Variants in PRDM5 observed in about 807,000 individuals in gnomAD.
PRDM5 encodes PR/SET domain 5, also known as PR domain zinc finger protein 5.
In PRDM5, 56 loss-of-function variants were observed where a neutral mutation model predicts 81.2. That is an observed-to-expected ratio of 0.69 (90% CI 0.56 to 0.86). The LOEUF is 0.86. Among genes scored for constraint, PRDM5 ranks in the 40% least tolerant of loss-of-function variants. The probability of loss-of-function intolerance (pLI) is 0.00; values close to 1 mark genes in which losing one functional copy is unlikely to be tolerated. For missense variants in PRDM5, 697 were observed against 770.1 expected (o/e 0.91, Z 1.12); for synonymous variants, 267 against 256.4 (o/e 1.04, Z -0.39).
chr4:120,747,038 T>C lies in PRDM5; in HGVS notation c.1623+7515A>G, dbSNP rs1430048539. Reference sequence around the variant, plus strand: ...AGCAAAGACTTGGAACCAACCCAAATGTCCAACAATGATAGATTGGATTAA... The same window carrying C: ...AGCAAAGACTTGGAACCAACCCAAACGTCCAACAATGATAGATTGGATTAA... On this transcript the variant is annotated intron_variant, in intron 14 of 15. Transcript: ENST00000264808. 2.1e-5 allele frequency among the ~76,000 whole-genome samples: 3 copies of C among 145,764 alleles called. No homozygotes were observed. The East Asian group carries it at 6.1e-4, about 30-fold the overall frequency.
In PRDM5 at chr4:120,818,196, C is replaced by T. The variant is rs979371026; in HGVS notation, c.650+157G>A. 25 of 698,362 alleles carry T rather than the reference C, an allele frequency of 3.6e-5. No individual in the cohort carries two copies. In the Admixed American group the frequency reaches 5.9e-4, roughly 17 times the overall value. The allele number at this position is 698,362 out of a possible 1,614,324, so 43.3% of individuals were successfully genotyped here. ...ATACTAAGAAAAGATGAGTTAATGA[C>T]AATACCAATGTAAAATGCTTAATCT... On this transcript the variant is annotated intron_variant, in intron 5 of 15. Transcript: ENST00000264808.
At chr4:120,891,579 G>A (rs1357843601) in intron 2 of PRDM5, among the ~76,000 whole-genome samples, 1 of 151,962 alleles carries the variant, frequency 6.6e-6, no homozygotes, top group East Asian at 1.9e-4. Context: ...TAGCTTTGGG[G>A]TTGGTTTGCT....
At chr4:120,690,701 T>C (rs1271271977), downstream of PRDM5, among the ~76,000 whole-genome samples, 1 of 152,110 alleles carries the variant, frequency 6.6e-6, no homozygotes, top group Non-Finnish European at 1.5e-5. Context: ...ACTCTCTTCA[T>C]TTTTATACTA....
chr4:120,754,731 C>T, intron 13 of PRDM5, 93 bp from the exon 14 acceptor site: 6 of 860,674 alleles, frequency 7.0e-6, no homozygotes, highest in East Asian at 2.5e-5. Flanking sequence ...TCCTGGCCAC[C>T]GCATATGCCC....
At chr4:120,827,689 A>G (rs1408600561) in intron 3 of PRDM5, among the ~76,000 whole-genome samples, 1 of 152,050 alleles carries the variant, frequency 6.6e-6, no homozygotes, top group African/African-American at 2.4e-5. Context: ...CTGGGTGGGA[A>G]GTTCCATCAC....
At chr4:120,822,280 T>A (rs1313531132) in intron 3 of PRDM5, among the ~76,000 whole-genome samples, 1 of 152,146 alleles carries the variant, frequency 6.6e-6, no homozygotes, top group African/African-American at 2.4e-5. Flanking sequence ...TCTGGGAGGG[T>A]TCCTAGTGAG....
At chr4:120,856,021 T>C (rs1561504045) in intron 2 of PRDM5, among the ~76,000 whole-genome samples, 2 of 152,246 alleles carry the variant, frequency 1.3e-5, no homozygotes, top group Non-Finnish European at 2.9e-5. Flanking sequence ...TGACTTATTA[T>C]AGTAAGAATA....
chr4:120,736,431 T>G (rs1186707377), intron 14 of PRDM5, among the ~76,000 whole-genome samples: 1 of 152,158 alleles, frequency 6.6e-6, no homozygotes, highest in African/African-American at 2.4e-5. Flanking sequence ...TTGATGATGC[T>G]GGTAGTGGCC....
chr4:120,883,289 C>T (rs945852254), intron 2 of PRDM5, among the ~76,000 whole-genome samples: 2 of 151,944 alleles, frequency 1.3e-5, no homozygotes, highest in African/African-American at 2.4e-5. Flanking sequence ...AGTTGATTTT[C>T]GTTTATTTTG....
intron 13 of PRDM5, among the ~76,000 whole-genome samples, chr4:120,758,424 G>T (rs898977126): frequency 6.6e-6 from 1 of 152,072 alleles, no homozygotes; most frequent in Admixed American, 6.6e-5. Flanking sequence ...TTGGGAACTG[G>T]GTTGTTGCAA....
intron 13 of PRDM5, among the ~76,000 whole-genome samples, chr4:120,761,779 T>C (rs1468989869): frequency 6.6e-6 from 1 of 152,140 alleles, no homozygotes; most frequent in African/African-American, 2.4e-5. Flanking sequence ...AATTAGAACA[T>C]GGATCTAATT....
chr4:120,879,694 G>A (rs999448857), intron 2 of PRDM5, among the ~76,000 whole-genome samples: 3 of 152,072 alleles, frequency 2.0e-5, no homozygotes, highest in Non-Finnish European at 4.4e-5. Flanking sequence ...GTCAACAGTA[G>A]GCTATTAGTA....
At chr4:120,888,402 C>G (rs1763697624) in intron 2 of PRDM5, among the ~76,000 whole-genome samples, 1 of 152,158 alleles carries the variant, frequency 6.6e-6, no homozygotes, top group Non-Finnish European at 1.5e-5. Context: ...TTATTTCACT[C>G]AAGGCTTTGT....
rs113149325 is a variant in PRDM5, at chr4:120,705,524, A to C, written c.1728+4785T>G. Among the ~76,000 whole-genome samples the C allele has an allele frequency of 7.2e-3, 1,090 of 152,252 alleles. 13 individuals carry two copies. Among genetic ancestry groups the C allele is most frequent in the African/African-American group, 0.025 (1,028 of 41,550 alleles). ...AAAGGCCAAGATGTAGATTCAGGGTAGGTTCAATGTGTCCAAAAAAGACTA... is the reference window on the plus strand; with the variant it reads ...AAAGGCCAAGATGTAGATTCAGGGTCGGTTCAATGTGTCCAAAAAAGACTA... On this transcript the variant is annotated intron_variant, in intron 15 of 15. Transcript: ENST00000264808.
intron 1 of PRDM5, among the ~76,000 whole-genome samples, chr4:120,920,907 C>T (rs62323180): frequency 0.048 from 7,340 of 151,776 alleles, 313 homozygotes; most frequent in Non-Finnish European, 0.07. Flanking sequence ...TCATTGCATG[C>T]CCAAAAATAA....
intron 15 of PRDM5, among the ~76,000 whole-genome samples, chr4:120,700,278 C>T (rs577559971): frequency 6.6e-6 from 1 of 152,272 alleles, no homozygotes; most frequent in South Asian, 2.1e-4. Context: ...CACTGGATTC[C>T]TACCTTTCAA....
chr4:120,744,350 C>G (rs1251246302), intron 14 of PRDM5, among the ~76,000 whole-genome samples: 1 of 152,038 alleles, frequency 6.6e-6, no homozygotes, highest in Non-Finnish European at 1.5e-5. Context: ...AATTGACACC[C>G]TAACATCACA....
intron 2 of PRDM5, among the ~76,000 whole-genome samples, chr4:120,856,617 T>A (rs952467858): frequency 6.6e-6 from 1 of 152,190 alleles, no homozygotes; most frequent in East Asian, 1.9e-4. Context: ...GAAAGAGACA[T>A]CCAAAAGTAA....
At chr4:120,691,066 C>T (rs1036125131), downstream of PRDM5, among the ~76,000 whole-genome samples, 1 of 152,032 alleles carries the variant, frequency 6.6e-6, no homozygotes, top group East Asian at 1.9e-4. Flanking sequence ...AAATTAAATA[C>T]TATATATTTT....
Sources: gnomAD v4.1 joint callset for allele counts (sites outside exome capture counted in the v4.1 genomes callset) on GRCh38, gnomAD v4.1.1 for gene constraint, MANE v1.5 for transcripts, NCBI Gene and HGNC (gene_info 2026-07-23, HGNC 2026-07-21) for gene names.